The following ST6GALNAC3 variants were observed in gnomAD, a reference collection of about 807,000 sequenced individuals.
ST6GALNAC3 encodes the protein alpha-N-acetylgalactosaminide alpha-2,6-sialyltransferase 3.
ST6GALNAC3 carries 25 observed loss-of-function variants against 32.7 expected under a neutral mutation model. The ratio of observed to expected loss-of-function variants is 0.76; its 90% confidence interval spans 0.56 to 1.07. The LOEUF (loss-of-function observed/expected upper bound fraction) is 1.07, where lower values mean the gene tolerates loss of function less well. Among genes scored for constraint, ST6GALNAC3 ranks in the 50% least tolerant of loss-of-function variants. The pLI, the probability that ST6GALNAC3 is intolerant of heterozygous loss-of-function variation, is 0.00. For missense variants in ST6GALNAC3, 355 were observed against 382.4 expected, an observed-to-expected ratio of 0.93 and a Z score of 0.60; for synonymous variants, 129 against 133.1, an observed-to-expected ratio of 0.97 and a Z score of 0.21.
intron 2 of ST6GALNAC3, among the ~76,000 whole-genome samples, chr1:76,315,582 AT>A (rs1646850108): frequency 6.6e-6 from 1 of 152,136 alleles, no homozygotes; most frequent in African/African-American, 2.4e-5. Flanking sequence ...ATTGAATATT[AT>A]TTTGCTCCTG....
At chr1:76,401,332 ATATT>A (rs1159356703) in intron 2 of ST6GALNAC3, among the ~76,000 whole-genome samples, 3 of 152,086 alleles carry the variant, frequency 2.0e-5, no homozygotes, top group Non-Finnish European at 4.4e-5. Context: ...TTCATGTATT[ATATT>A]TATCAATTAT....
intron 1 of ST6GALNAC3, among the ~76,000 whole-genome samples, chr1:76,183,269 A>G (rs1323825784): frequency 6.6e-6 from 1 of 152,084 alleles, no homozygotes; most frequent in Non-Finnish European, 1.5e-5. Context: ...TCATTTGTTT[A>G]TTGATATAGT....
At chr1:76,220,847 T>C (rs1257529944) in intron 1 of ST6GALNAC3, among the ~76,000 whole-genome samples, 1 of 152,204 alleles carries the variant, frequency 6.6e-6, no homozygotes, top group Non-Finnish European at 1.5e-5. Context: ...TTATACTTGA[T>C]TGTGACATTT....
chr1:76,145,881 T>A (rs551401400), intron 1 of ST6GALNAC3, among the ~76,000 whole-genome samples: 1 of 152,374 alleles, frequency 6.6e-6, no homozygotes, highest in South Asian at 2.1e-4. Flanking sequence ...TTTCTTTTAA[T>A]GTGGATTTAC....
chr1:76,471,189 G>A (rs1336802811), intron 3 of ST6GALNAC3, among the ~76,000 whole-genome samples: 1 of 152,000 alleles, frequency 6.6e-6, no homozygotes, highest in Admixed American at 6.6e-5. Flanking sequence ...CTGCCTCTGT[G>A]AGTGTCCTGG....
At chr1:76,370,864 T>TCATC (rs1260998134) in intron 2 of ST6GALNAC3, among the ~76,000 whole-genome samples, 68 of 151,920 alleles carry the variant, frequency 4.5e-4, no homozygotes, top group Non-Finnish European at 2.9e-4. Context: ...ATCCATCCAT[T>TCATC]CATCCATCCA....
chr1:76,113,902 T>G (rs1320042381), intron 1 of ST6GALNAC3, among the ~76,000 whole-genome samples: 2 of 151,980 alleles, frequency 1.3e-5, no homozygotes, highest in Non-Finnish European at 2.9e-5. Context: ...CTTGGCTCAC[T>G]GCAACCCCAC....
chr1:76,359,391 A>G (rs1649746316), intron 2 of ST6GALNAC3, among the ~76,000 whole-genome samples: 1 of 152,166 alleles, frequency 6.6e-6, no homozygotes, highest in African/African-American at 2.4e-5. Context: ...CCCTAAACCA[A>G]TAAGACTTGT....
chr1:76,479,352 GTA>G (rs1382361170), intron 3 of ST6GALNAC3, among the ~76,000 whole-genome samples: 1 of 152,176 alleles, frequency 6.6e-6, no homozygotes, highest in South Asian at 2.1e-4. Context: ...CCCTGAGTGT[GTA>G]TGTGTCAACT....
chr1:76,117,308 A>T (rs1393937048), intron 1 of ST6GALNAC3, among the ~76,000 whole-genome samples: 1 of 152,230 alleles, frequency 6.6e-6, no homozygotes, highest in Non-Finnish European at 1.5e-5. Context: ...CTCATCTCAT[A>T]TTTCCCAAGA....
chr1:76,279,849 T>G (rs2100782650), intron 1 of ST6GALNAC3, among the ~76,000 whole-genome samples: 1 of 152,342 alleles, frequency 6.6e-6, no homozygotes, highest in East Asian at 1.9e-4. Flanking sequence ...AGAGATCCTC[T>G]TTATAGATGC....
At chr1:76,155,321 G>A (rs1046974156) in intron 1 of ST6GALNAC3, among the ~76,000 whole-genome samples, 4 of 152,110 alleles carry the variant, frequency 2.6e-5, no homozygotes, top group African/African-American at 9.7e-5. Flanking sequence ...TACTGCTACC[G>A]TCACTACAGC....
intron 1 of ST6GALNAC3, among the ~76,000 whole-genome samples, chr1:76,150,851 G>C (rs1326148788): frequency 6.6e-6 from 1 of 152,220 alleles, no homozygotes; most frequent in Non-Finnish European, 1.5e-5. Flanking sequence ...GCTTTTTCTA[G>C]GAGATCTTGG....
intron 1 of ST6GALNAC3, among the ~76,000 whole-genome samples, chr1:76,224,134 A>T (rs539833003): frequency 4.6e-5 from 7 of 152,268 alleles, no homozygotes; most frequent in African/African-American, 1.7e-4. Flanking sequence ...CCTGATGATC[A>T]TTCTACTTAT....
At chr1:76,186,199 G>A (rs1653544352) in intron 1 of ST6GALNAC3, among the ~76,000 whole-genome samples, 1 of 152,138 alleles carries the variant, frequency 6.6e-6, no homozygotes, top group Non-Finnish European at 1.5e-5. Flanking sequence ...ATTCTTAAGT[G>A]TGTGAATGGC....
rs184927199 is a variant in ST6GALNAC3, at chr1:76,136,447, A to T, written c.18+61563A>T. On this transcript the variant is annotated intron_variant, in intron 1 of 4. Transcript: ENST00000328299. ...TCTTTGACAAACTCAATTGTAATCT[A>T]ATTAAGTGGCGTCTTCTGTGATTCT... Among the ~76,000 whole-genome samples the T allele has an allele frequency of 3.7e-3, 565 of 152,230 alleles. 4 individuals carry two copies. Among genetic ancestry groups the T allele is most frequent in the African/African-American group, 0.013 (542 of 41,520 alleles).
intron 1 of ST6GALNAC3, among the ~76,000 whole-genome samples, chr1:76,081,305 A>G (rs1214580010): frequency 6.6e-6 from 1 of 151,490 alleles, no homozygotes; most frequent in Non-Finnish European, 1.5e-5. Flanking sequence ...AAAAAAAAAA[A>G]GCAAATCGCA....
intron 1 of ST6GALNAC3, among the ~76,000 whole-genome samples, chr1:76,221,989 G>A (rs968782989): frequency 6.6e-6 from 1 of 152,192 alleles, no homozygotes; most frequent in East Asian, 1.9e-4. Context: ...GGACAGGAGA[G>A]TGATTTTTCT....
chr1:76,596,628 C>T (rs532906844), intron 3 of ST6GALNAC3, among the ~76,000 whole-genome samples: 18 of 152,194 alleles, frequency 1.2e-4, no homozygotes, highest in East Asian at 1.2e-3. Context: ...CATCTCATTT[C>T]GGGAAATAAA....
Sources: gnomAD v4.1 joint callset for allele counts (sites outside exome capture counted in the v4.1 genomes callset) on GRCh38, gnomAD v4.1.1 for gene constraint, MANE v1.5 for transcripts, NCBI Gene and HGNC (gene_info 2026-07-23, HGNC 2026-07-21) for gene names.